PSME3IP1: variants seen among roughly 807,000 people sequenced by gnomAD.
PSME3IP1 encodes proteasome activator subunit 3 interacting protein 1, also known as PSME3-interacting protein.
Under a neutral mutation model 34.1 loss-of-function variants are expected in PSME3IP1, and 13 were observed. The ratio of observed to expected loss-of-function variants is 0.38; its 90% CI spans 0.25 to 0.61. The LOEUF (loss-of-function observed/expected upper bound fraction) is 0.61, where lower values mean the gene tolerates loss of function less well. Among genes scored for constraint, PSME3IP1 ranks in the 20% least tolerant of loss-of-function variants. The probability of loss-of-function intolerance (pLI) is 0.60; values close to 1 mark genes in which losing one functional copy is unlikely to be tolerated. For synonymous variants in PSME3IP1, 93 were observed against 114.3 expected, an observed-to-expected ratio of 0.81 and a Z score of 1.19; for missense variants, 237 against 301.4, an observed-to-expected ratio of 0.79 and a Z score of 1.58.
chr16:57,175,484 G>T (rs927465477), intron 1 of PSME3IP1: 2 of 152,176 alleles, frequency 1.3e-5, no homozygotes, highest in African/African-American at 4.8e-5. Flanking sequence ...AACAAAAACA[G>T]TAAGTTTCCA....
rs539084270 is a variant in PSME3IP1, at chr16:57,182,182, A to G, written c.-16+3639T>C. Among the ~76,000 whole-genome samples, 30 of 152,196 alleles carry G rather than the reference A, an allele frequency of 2.0e-4. 1 individual carries two copies. In the East Asian group the frequency reaches 5.8e-3, roughly 29 times the overall value. On this transcript the variant is annotated intron_variant, in intron 1 of 6. Transcript: ENST00000309137. ...TCATTTTGGAGATTTCAAGGATTAT[A>G]GGAGTCATATGCCACAGGAGACAGG...
intron 5 of PSME3IP1, among the ~76,000 whole-genome samples, chr16:57,164,801 A>T (rs552738706): frequency 6.6e-6 from 1 of 152,152 alleles, no homozygotes; most frequent in South Asian, 2.1e-4. Context: ...GGAGGCCAAG[A>T]CGGACGGATC....
intron 6 of PSME3IP1, among the ~76,000 whole-genome samples, chr16:57,161,253 T>A (rs1392622606): frequency 1.3e-5 from 2 of 152,198 alleles, no homozygotes; most frequent in African/African-American, 4.8e-5. Flanking sequence ...CTTCCCAATT[T>A]TAAAACTTAC....
chr16:57,154,537 C>A lies in PSME3IP1; in HGVS notation c.548-30G>T. 1 of 1,549,448 alleles carries A rather than the reference C, an allele frequency of 6.5e-7. No individual in the cohort carries two copies. On this transcript the variant is annotated intron_variant, in intron 6 of 6. Transcript: ENST00000309137. The surrounding 1 kb of genome is among the most constrained non-coding windows in gnomAD (Gnocchi z 4.0). ...AATAAAAGGGGAAAGACTGTCACTT[C>A]ATCACCCTTTTCCAAAGTTGGGGAC...
At chr16:57,181,419 T>G (rs1177547508) in intron 1 of PSME3IP1, 3 of 152,120 alleles carry the variant, frequency 2.0e-5, no homozygotes, top group Admixed American at 1.3e-4. Context: ...ATTTTTGCTA[T>G]TCTCTCACTC....
intron 1 of PSME3IP1, among the ~76,000 whole-genome samples, chr16:57,175,963 G>A (rs185476814): frequency 1.3e-5 from 2 of 152,322 alleles, no homozygotes; most frequent in East Asian, 1.9e-4. Flanking sequence ...CAATAAGAGC[G>A]AATTGTGAAA....
intron 4 of PSME3IP1, among the ~76,000 whole-genome samples, chr16:57,169,123 G>C (rs1377054155): frequency 1.3e-5 from 2 of 151,966 alleles, no homozygotes; most frequent in Non-Finnish European, 2.9e-5. Context: ...CAAAGTACAA[G>C]CAATTTTTCC....
intron 1 of PSME3IP1, among the ~76,000 whole-genome samples, chr16:57,184,494 T>C (rs779214982): frequency 1.3e-5 from 2 of 152,156 alleles, no homozygotes; most frequent in Non-Finnish European, 2.9e-5. Context: ...ACATATTCTA[T>C]AGTAAAGAGT....
chr16:57,162,636 T>C (rs1409214236), intron 6 of PSME3IP1, among the ~76,000 whole-genome samples: 1 of 145,424 alleles, frequency 6.9e-6, no homozygotes, highest in African/African-American at 2.6e-5. Flanking sequence ...CTACACTCTA[T>C]CTTGGGTGAT....
Position 57,153,311 on chromosome 16 carries a change from C to A in PSME3IP1, c.*979G>T, listed in dbSNP as rs1423258387. 1.3e-5 allele frequency: 2 copies of A among 152,136 alleles called. No homozygotes were observed. Among genetic ancestry groups the A allele is most frequent in the Non-Finnish European group, 2.9e-5 (2 of 68,010 alleles). The allele number at this position is 152,136 out of a possible 1,614,324, so 9.4% of individuals were successfully genotyped here. A position where few individuals can be genotyped will look rare whatever the true frequency, so the allele number is the denominator to read the frequency against. On this transcript the variant is annotated 3_prime_UTR_variant, in exon 7 of 7. Coordinates refer to ENST00000309137, the MANE Select transcript of PSME3IP1 (RefSeq NM_024946.4). The stretch of plus-strand genomic sequence containing the variant: ...AGCAAAGAAAAGTACTAGGGCAGCA[C>A]CTTTAGGTTAGAAATAGATTCCACA...
intron 5 of PSME3IP1, among the ~76,000 whole-genome samples, chr16:57,165,410 T>C (rs1405090402): frequency 3.3e-5 from 5 of 152,118 alleles, no homozygotes; most frequent in African/African-American, 7.2e-5. Context: ...AGACTGCACA[T>C]TCATGAACTA....
chr16:57,167,016 G>C, intron 5 of PSME3IP1, 77 bp downstream of exon 5: 1 of 1,554,938 alleles, frequency 6.4e-7, no homozygotes, highest in Non-Finnish European at 8.8e-7. Context: ...GCAAGCGTTG[G>C]CTCTGGCTTC....
intron 1 of PSME3IP1, among the ~76,000 whole-genome samples, chr16:57,180,514 C>T (rs1419659235): frequency 6.6e-6 from 1 of 151,936 alleles, no homozygotes; most frequent in Non-Finnish European, 1.5e-5. Context: ...CGCTTGAACC[C>T]AGGAGGCGAA....
chr16:57,185,897 C>T lies in PSME3IP1; in HGVS notation c.-92G>A, dbSNP rs572236752. 96 of 980,440 alleles carry T rather than the reference C, an allele frequency of 9.8e-5. No homozygotes were observed. The highest frequency in any genetic ancestry group is 1.1e-4 in the Non-Finnish European group (94 of 829,374). 60.7% of individuals were successfully genotyped at this position (980,440 alleles called of 1,614,324 possible). A position where few individuals can be genotyped will look rare whatever the true frequency, so the allele number is the denominator to read the frequency against. On this transcript the variant is annotated 5_prime_UTR_variant, in exon 1 of 7. Transcript: ENST00000309137. ...AACCGCCACCGCAGAGCCGCTCGCTCTTAAAAAAGAAAAAAAAATGAAAGG... is the reference window on the plus strand; with the variant it reads ...AACCGCCACCGCAGAGCCGCTCGCTTTTAAAAAAGAAAAAAAAATGAAAGG...
chr16:57,173,017 A>T, intron 2 of PSME3IP1, 143 bp from the exon 3 acceptor site: 1 of 615,278 alleles, frequency 1.6e-6, no homozygotes. Context: ...TAACACAAAA[A>T]TAGTACAAAG....
intron 6 of PSME3IP1, among the ~76,000 whole-genome samples, chr16:57,159,762 A>C (rs1324200210): frequency 5.9e-5 from 9 of 152,202 alleles, no homozygotes; most frequent in Admixed American, 5.9e-4. Context: ...CAAAGAATCC[A>C]CACAAGTTTT....
chr16:57,170,550 A>G (rs1487645729), intron 4 of PSME3IP1, among the ~76,000 whole-genome samples: 3 of 152,250 alleles, frequency 2.0e-5, no homozygotes, highest in Non-Finnish European at 2.9e-5. Flanking sequence ...GCTTCCTCAC[A>G]TGAAGATAAA....
rs772409235 is a variant in PSME3IP1, at chr16:57,152,645, G to A, written c.*1645C>T. 6.6e-6 allele frequency: 1 copy of A among 152,656 alleles called. No individual in the cohort carries two copies. The highest frequency in any genetic ancestry group is 1.5e-5 in the Non-Finnish European group (1 of 68,050). The allele number at this position is 152,656 out of a possible 1,614,324, so 9.5% of individuals were successfully genotyped here. A position where few individuals can be genotyped will look rare whatever the true frequency, so the allele number is the denominator to read the frequency against. On this transcript the variant is annotated 3_prime_UTR_variant, in exon 7 of 7. Transcript: ENST00000309137. The stretch of plus-strand genomic sequence containing the variant: ...GGCCTGCCTCCTGTAACAATGTGAG[G>A]CTGTTTTGGGTACATGCTGTAATAA...
rs1318283376 is a variant in PSME3IP1 at position 57,185,879 on chromosome 16, A to G, written c.-74T>C. The G allele has an allele frequency of 1.0e-6, 1 of 984,760 alleles. No homozygotes were observed. The highest frequency in any genetic ancestry group is 1.8e-5 in the African/African-American group (1 of 57,000). The allele number at this position is 984,760 out of a possible 1,614,324, so 61.0% of individuals were successfully genotyped here. ...TCGGCGGCGCCCACCCCAAACCGCC[A>G]CCGCAGAGCCGCTCGCTCTTAAAAA... On this transcript the variant is annotated 5_prime_UTR_variant, in exon 1 of 7. Transcript: ENST00000309137.
Sources: allele counts gnomAD v4.1 joint callset (sites outside exome capture counted in the v4.1 genomes callset), GRCh38; gene constraint gnomAD v4.1.1; non-coding constraint Gnocchi (gnomAD v3.1); transcripts MANE v1.5; gene names NCBI Gene and HGNC (gene_info 2026-07-23, HGNC 2026-07-21).